The following NAV2 variants were observed in gnomAD, a reference collection of about 807,000 sequenced individuals.
The protein encoded by NAV2 is neuron navigator 2, also known as helicase, APC down-regulated 1.
NAV2 carries 54 observed loss-of-function variants against 223.2 expected under a neutral mutation model. The ratio of observed to expected loss-of-function variants is 0.24; its 90% CI spans 0.19 to 0.30. The LOEUF is 0.30. Among genes scored for constraint, NAV2 ranks in the 10% least tolerant of loss-of-function variants. The pLI, the probability that NAV2 is intolerant of heterozygous loss-of-function variation, is 1.00. For synonymous variants in NAV2, 1,279 were observed against 1,239.3 expected (o/e 1.03, Z -0.67); for missense variants, 2,806 against 3,147.5 (o/e 0.89, Z 2.60).
At chr11:19,451,625 T>C (rs935374730) in intron 1 of NAV2, among the ~76,000 whole-genome samples, 4 of 152,090 alleles carry the variant, frequency 2.6e-5, no homozygotes, top group Non-Finnish European at 5.9e-5. Flanking sequence ...ATGAGAAGTG[T>C]AGGATGCTAG....
intron 1 of NAV2, among the ~76,000 whole-genome samples, chr11:19,375,837 T>G (rs1246009296): frequency 3.3e-5 from 5 of 152,038 alleles, no homozygotes; most frequent in Non-Finnish European, 5.9e-5. Flanking sequence ...TGGTGGGGGG[T>G]GTGTGTTTAC....
At chr11:19,596,127 C>T (rs748018084) in intron 1 of NAV2, among the ~76,000 whole-genome samples, 7 of 152,276 alleles carry the variant, frequency 4.6e-5, no homozygotes, top group South Asian at 2.1e-4. Context: ...AGACAGTGCT[C>T]TAAAATTCTA....
chr11:19,373,134 T>A (rs1374572742), intron 1 of NAV2, among the ~76,000 whole-genome samples: 1 of 152,214 alleles, frequency 6.6e-6, no homozygotes, highest in Non-Finnish European at 1.5e-5. Flanking sequence ...GGTCTTCTCT[T>A]CTGGCTCCTC....
intron 1 of NAV2, among the ~76,000 whole-genome samples, chr11:19,673,589 G>A (rs1316560203): frequency 1.3e-5 from 2 of 152,190 alleles, no homozygotes. Flanking sequence ...GGTGTTAATT[G>A]GGGAGGAACA....
At chr11:19,788,591 C>T (rs562498508) in intron 1 of NAV2, among the ~76,000 whole-genome samples, 6 of 152,316 alleles carry the variant, frequency 3.9e-5, no homozygotes, top group South Asian at 4.1e-4. Flanking sequence ...CATACAGCAC[C>T]AGAGAGGTGT....
chr11:19,699,016 C>T (rs2049430307), intron 1 of NAV2, among the ~76,000 whole-genome samples: 2 of 152,184 alleles, frequency 1.3e-5, no homozygotes, highest in South Asian at 2.1e-4. Context: ...ATCCTACTTC[C>T]AGCCACCTGC....
At chr11:19,365,861 T>A (rs1848259877) in intron 1 of NAV2, among the ~76,000 whole-genome samples, 1 of 152,256 alleles carries the variant, frequency 6.6e-6, no homozygotes, top group Admixed American at 6.5e-5. Context: ...TAAGTGTTTA[T>A]CTTCTTAGAA....
At chr11:19,715,267 G>C (rs568180019) in intron 1 of NAV2, among the ~76,000 whole-genome samples, 1 of 152,308 alleles carries the variant, frequency 6.6e-6, no homozygotes, top group East Asian at 1.9e-4. Context: ...AAGCTGACAG[G>C]TTTGAGTGAT....
chr11:20,081,447 G>A (rs10500869), intron 25 of NAV2, among the ~76,000 whole-genome samples: 9,300 of 152,198 alleles, frequency 0.061, 527 homozygotes, highest in African/African-American at 0.15. Context: ...GACAACTCCC[G>A]CTTATCAGTC....
chr11:19,866,894 G>A (rs953299883), intron 3 of NAV2, among the ~76,000 whole-genome samples: 1 of 152,024 alleles, frequency 6.6e-6, no homozygotes, highest in Non-Finnish European at 1.5e-5. Context: ...GGACATAATT[G>A]CCAAAGCCTC....
chr11:19,747,796 G>A (rs1007373478), intron 1 of NAV2, among the ~76,000 whole-genome samples: 2 of 152,118 alleles, frequency 1.3e-5, no homozygotes, highest in Non-Finnish European at 2.9e-5. Context: ...GCTTTCCCTT[G>A]GCAGTTATTT....
At position 19,998,709 on chromosome 11, in the gene NAV2, C is replaced by T. The variant is rs565123412; in HGVS notation, c.2768+14462C>T. ...CCCTCTGCATAGACTGTGCTTCCCC[C>T]CCTCTCTCCTTTTCTCCTTATAAGC... is the stretch of plus-strand genomic sequence containing the variant. On this transcript the variant is annotated intron_variant, in intron 11 of 37. Coordinates refer to ENST00000349880, the MANE Select transcript of NAV2 (RefSeq NM_145117.5). This position sits in a 1 kb window ranked among gnomAD's most constrained non-coding sequence, Gnocchi z 5.0. 5.9e-5 allele frequency among the ~76,000 whole-genome samples: 9 copies of T among 152,204 alleles called. No homozygotes were observed. The highest frequency in any genetic ancestry group is 1.2e-4 in the African/African-American group (5 of 41,544).
At chr11:19,833,513 T>C (rs1388844105) in intron 2 of NAV2, among the ~76,000 whole-genome samples, 1 of 152,262 alleles carries the variant, frequency 6.6e-6, no homozygotes, top group Non-Finnish European at 1.5e-5. Flanking sequence ...GTTTTCCCTG[T>C]TGTCTTGTGA....
intron 14 of NAV2, among the ~76,000 whole-genome samples, chr11:20,047,265 A>G (rs568415815): frequency 1.6e-3 from 238 of 152,364 alleles, no homozygotes; most frequent in African/African-American, 5.5e-3. Context: ...TTGAAAATGC[A>G]TGCAGCTCCT....
chr11:19,656,156 A>C (rs542220504), intron 1 of NAV2, among the ~76,000 whole-genome samples: 1 of 152,170 alleles, frequency 6.6e-6, no homozygotes, highest in Non-Finnish European at 1.5e-5. Context: ...CTAAGTTGCT[A>C]TCTAAATAGC....
At chr11:20,067,338 T>TA (rs1223686152) in intron 20 of NAV2, among the ~76,000 whole-genome samples, 1 of 152,136 alleles carries the variant, frequency 6.6e-6, no homozygotes, top group African/African-American at 2.4e-5. Context: ...GGGGCAGAAT[T>TA]AACCCAGGAG....
chr11:19,569,429 A>G (rs2045360295), intron 1 of NAV2, among the ~76,000 whole-genome samples: 1 of 152,218 alleles, frequency 6.6e-6, no homozygotes, highest in Non-Finnish European at 1.5e-5. Flanking sequence ...TTTTATCCCA[A>G]TATCTAAAAG....
intron 1 of NAV2, among the ~76,000 whole-genome samples, chr11:19,491,955 A>AAGAGAGAGAGAG: frequency 8.3e-6 from 1 of 120,952 alleles, no homozygotes; most frequent in East Asian, 2.6e-4. Flanking sequence ...GGGAGACTCA[A>AAGAGAGAGAGAG]AGAGAGAGAG....
rs117610915 is a variant in NAV2 at position 19,943,602 on chromosome 11, C to G, written c.2147-2799C>G. Reference sequence around the variant, plus strand: ...AAGAAAAGTTAATTCTGTTATATTTCTTAGCTGCCTTGTCCCCTGTTAATG... The same window carrying G: ...AAGAAAAGTTAATTCTGTTATATTTGTTAGCTGCCTTGTCCCCTGTTAATG... On this transcript the variant is annotated intron_variant, in intron 8 of 37. Coordinates refer to ENST00000349880, the MANE Select transcript of NAV2 (RefSeq NM_145117.5). Among the ~76,000 whole-genome samples, 778 of 152,260 alleles carry G rather than the reference C, an allele frequency of 5.1e-3. 2 individuals carry two copies. Among genetic ancestry groups the G allele is most frequent in the Non-Finnish European group, 7.1e-3 (483 of 68,026 alleles).
Sources: gnomAD v4.1 joint callset for allele counts (sites outside exome capture counted in the v4.1 genomes callset) on GRCh38, gnomAD v4.1.1 for gene constraint, Gnocchi (gnomAD v3.1) non-coding constraint, MANE v1.5 for transcripts, NCBI Gene and HGNC (gene_info 2026-07-23, HGNC 2026-07-21) for gene names.